Variants in FMN2 observed in about 807,000 individuals in gnomAD.
FMN2 encodes formin-2.
Under a neutral mutation model 142.3 loss-of-function variants are expected in FMN2, and 51 were observed. The observed-to-expected ratio is 0.36, with a 90% CI of 0.29 to 0.45. FMN2 has a LOEUF of 0.45. FMN2 is among the 20% of genes least tolerant of loss of function. FMN2 has a pLI of 1.00. For synonymous variants in FMN2, 882 were observed against 869.8 expected, an observed-to-expected ratio of 1.01 and a Z score of -0.25; for missense variants, 1,936 against 2,122.8, an observed-to-expected ratio of 0.91 and a Z score of 1.73.
At chr1:240,295,214 A>T (rs113991563) in intron 8 of FMN2, among the ~76,000 whole-genome samples, 3 of 125,868 alleles carry the variant, frequency 2.4e-5, no homozygotes, top group South Asian at 2.6e-4. Flanking sequence ...ACACACACAC[A>T]CACACACACA....
At chr1:240,193,157 G>A (rs1439429839) in intron 4 of FMN2, among the ~76,000 whole-genome samples, 1 of 152,178 alleles carries the variant, frequency 6.6e-6, no homozygotes, top group Non-Finnish European at 1.5e-5. Context: ...TTAATGGCCT[G>A]TGGAGAAAGG....
chr1:240,229,148 A>C (rs539768627), intron 6 of FMN2, among the ~76,000 whole-genome samples: 7 of 152,262 alleles, frequency 4.6e-5, no homozygotes, highest in African/African-American at 1.4e-4. Flanking sequence ...GCCTATTTTC[A>C]TAAAAGTTTT....
chr1:240,328,356 T>G (rs887859762), intron 8 of FMN2, among the ~76,000 whole-genome samples: 1 of 151,506 alleles, frequency 6.6e-6, no homozygotes, highest in Non-Finnish European at 1.5e-5. Flanking sequence ...AAATTCAACT[T>G]GACTTCTGAA....
Position 240,092,038 on chromosome 1 carries a change from G to A in FMN2, c.-72G>A, listed in dbSNP as rs1271696884. The A allele has an allele frequency of 2.7e-6, 4 of 1,484,300 alleles. No individual in the cohort carries two copies. The highest frequency in any genetic ancestry group is 3.6e-6 in the Non-Finnish European group (4 of 1,122,504). 91.9% of individuals were successfully genotyped at this position (1,484,300 alleles called of 1,614,324 possible). A position where few individuals can be genotyped will look rare whatever the true frequency, so the allele number is the denominator to read the frequency against. On this transcript the variant is annotated 5_prime_UTR_variant, in exon 1 of 18. Transcript: ENST00000319653. ...CTCTCCCGGGAGACTCCCTAGGCCCGGACCTGGGGCCGAGGAGGGCCGGGA... is the reference window on the plus strand; with the variant it reads ...CTCTCCCGGGAGACTCCCTAGGCCCAGACCTGGGGCCGAGGAGGGCCGGGA...
chr1:240,093,550 C>G lies in FMN2; in HGVS notation c.1441C>G (p.Arg481Gly). 1 of 1,526,648 alleles carries G rather than the reference C, an allele frequency of 6.6e-7. No individual in the cohort carries two copies. Among genetic ancestry groups the G allele is most frequent in the South Asian group, 1.3e-5 (1 of 77,986 alleles). 94.6% of individuals were successfully genotyped at this position (1,526,648 alleles called of 1,614,324 possible). ...CGGCGGCCTTGCGGCCGGCCTGAGC[C>G]GCTCGGCTGACTGGACGGAGGAGCT... ...ADGGLAAGLS[R>G]SADWTEELGA... is the part of the protein sequence containing the mutation. The change falls in exon 1 of 18, where the codon CGC (arginine) becomes GGC (glycine). Residue 481 changes from arginine (R) to glycine (G), a missense_variant. This residue lies in a region of FMN2 where 751 missense variants were observed against 791.8 expected (regional missense o/e 0.95). Transcript: ENST00000319653.
At chr1:240,312,091 G>A (rs966120199) in intron 8 of FMN2, among the ~76,000 whole-genome samples, 9 of 152,154 alleles carry the variant, frequency 5.9e-5, no homozygotes, top group African/African-American at 2.2e-4. Flanking sequence ...TGGAATTTAT[G>A]GCCATTTACT....
chr1:240,110,617 G>T (rs1268419926), intron 1 of FMN2, among the ~76,000 whole-genome samples: 2 of 152,146 alleles, frequency 1.3e-5, no homozygotes, highest in African/African-American at 4.8e-5. Context: ...TATAGCTAGT[G>T]TATGACTGCA....
At chr1:240,164,792 A>G (rs1664411754) in intron 2 of FMN2, among the ~76,000 whole-genome samples, 1 of 152,188 alleles carries the variant, frequency 6.6e-6, no homozygotes, top group Non-Finnish European at 1.5e-5. Context: ...TCACCCACTT[A>G]TAGCATTTAT....
intron 6 of FMN2, among the ~76,000 whole-genome samples, chr1:240,241,123 A>T (rs1013459263): frequency 6.6e-6 from 1 of 152,152 alleles, no homozygotes; most frequent in Non-Finnish European, 1.5e-5. Flanking sequence ...GAAATTTAGA[A>T]ATGCAACCTG....
intron 8 of FMN2, among the ~76,000 whole-genome samples, chr1:240,324,469 A>G (rs368564772): frequency 2.2e-4 from 34 of 152,282 alleles, no homozygotes; most frequent in African/African-American, 6.3e-4. Context: ...CCTGGCTAAC[A>G]TGGCGAAGCC....
intron 5 of FMN2, among the ~76,000 whole-genome samples, chr1:240,209,898 C>G (rs969797527): frequency 1.3e-5 from 2 of 151,554 alleles, no homozygotes; most frequent in African/African-American, 4.9e-5. Context: ...AGCGAGAGTC[C>G]GTCTCAAAAA....
intron 1 of FMN2, among the ~76,000 whole-genome samples, chr1:240,098,805 T>C (rs1661310922): frequency 6.6e-6 from 1 of 152,192 alleles, no homozygotes; most frequent in African/African-American, 2.4e-5. Context: ...TTTTAATGAC[T>C]GCTTTATGAG....
chr1:240,196,729 T>C (rs554464830), intron 4 of FMN2, among the ~76,000 whole-genome samples: 1 of 152,254 alleles, frequency 6.6e-6, no homozygotes, highest in African/African-American at 2.4e-5. Context: ...GCCAGGCTGG[T>C]CTCAAACTCC....
intron 11 of FMN2, 43 bp from the exon 12 acceptor site, chr1:240,333,844 A>C (rs1671466138): frequency 7.0e-7 from 1 of 1,437,092 alleles, no homozygotes; most frequent in African/African-American, 1.4e-5. Flanking sequence ...ATATTTAATT[A>C]GTTAAAAAAT....
chr1:240,261,648 C>T (rs934076249), intron 7 of FMN2, among the ~76,000 whole-genome samples: 4 of 152,120 alleles, frequency 2.6e-5, no homozygotes, highest in African/African-American at 9.7e-5. Context: ...CAGGTTATTT[C>T]CCACAATAAT....
chr1:240,297,560 C>T (rs1274673313), intron 8 of FMN2, among the ~76,000 whole-genome samples: 3 of 137,512 alleles, frequency 2.2e-5, no homozygotes, highest in African/African-American at 8.4e-5. Context: ...TGCATCACTG[C>T]ACTCCAGCCT....
rs113599318 is a variant in FMN2 at position 240,294,524 on chromosome 1, A to C, written c.4154-298A>C. Among the ~76,000 whole-genome samples the C allele has an allele frequency of 3.9e-3, 600 of 152,374 alleles. 3 individuals are homozygous for C. Among genetic ancestry groups the C allele is most frequent in the African/African-American group, 0.014 (579 of 41,582 alleles). On this transcript the variant is annotated intron_variant, in intron 7 of 17. Transcript: ENST00000319653. ...TTTGCTTATTTTGCTGGTATGAAGC[A>C]GATTTTTCAAATTCATTCAGTTCGG...
intron 7 of FMN2, among the ~76,000 whole-genome samples, chr1:240,268,011 G>A (rs1304418950): frequency 6.6e-6 from 1 of 152,030 alleles, no homozygotes; most frequent in African/African-American, 2.4e-5. Flanking sequence ...GCTGTGAGAA[G>A]AGGGAACACT....
intron 1 of FMN2, among the ~76,000 whole-genome samples, chr1:240,117,161 G>A (rs1343343992): frequency 1.3e-5 from 2 of 152,186 alleles, no homozygotes; most frequent in Non-Finnish European, 2.9e-5. Context: ...TCCATTGTGA[G>A]GAAGACAAGT....
Sources: allele counts gnomAD v4.1 joint callset (sites outside exome capture counted in the v4.1 genomes callset), GRCh38; gene constraint gnomAD v4.1.1; regional missense constraint gnomAD v4.1.1; transcripts MANE v1.5; gene names NCBI Gene and HGNC (gene_info 2026-07-23, HGNC 2026-07-21).